DOCK10: variants seen among roughly 807,000 people sequenced by gnomAD.
The protein encoded by DOCK10 is dedicator of cytokinesis protein 10.
DOCK10 carries 145 observed loss-of-function variants against 280.1 expected under a neutral mutation model. The ratio of observed to expected loss-of-function variants is 0.52; its 90% CI spans 0.45 to 0.59. The LOEUF (loss-of-function observed/expected upper bound fraction) is 0.59, where lower values mean the gene tolerates loss of function less well. Among genes scored for constraint, DOCK10 ranks in the 20% least tolerant of loss-of-function variants. DOCK10 has a pLI of 0.00. For synonymous variants in DOCK10, 915 were observed against 942.2 expected, an observed-to-expected ratio of 0.97 and a Z score of 0.53; for missense variants, 2,368 against 2,651.7, an observed-to-expected ratio of 0.89 and a Z score of 2.35.
At chr2:224,916,634 T>G in intron 3 of DOCK10, 61 bp downstream of exon 3, 1 of 1,185,708 alleles carries the variant, frequency 8.4e-7, no homozygotes, top group Non-Finnish European at 1.2e-6. Flanking sequence ...TAAATTGCAT[T>G]GAGAATCCCC....
chr2:224,824,720 C>T (rs1463345061), intron 27 of DOCK10, among the ~76,000 whole-genome samples: 2 of 151,824 alleles, frequency 1.3e-5, no homozygotes, highest in Non-Finnish European at 2.9e-5. Flanking sequence ...AAGTGTGAGC[C>T]CCCGTGCCCA....
Position 224,805,350 on chromosome 2 carries a change from GT to G in DOCK10, c.3937-31del. The G allele has an allele frequency of 6.2e-7, 1 of 1,612,732 alleles. No individual in the cohort carries two copies. The highest frequency in any genetic ancestry group is 1.3e-5 in the African/African-American group (1 of 74,954). Reference sequence around the variant, plus strand: ...GAATTCAAGAACCAATCAGGATTGAGTGAGAGTGAGTGACCTCTGCCTTGTA... The same window carrying G: ...GAATTCAAGAACCAATCAGGATTGAGGAGAGTGAGTGACCTCTGCCTTGTA... On this transcript the variant is annotated intron_variant, in intron 35 of 55. Coordinates refer to ENST00000258390, the MANE Select transcript of DOCK10 (RefSeq NM_014689.3). This position sits in a 1 kb window ranked among gnomAD's most constrained non-coding sequence, Gnocchi z 4.3.
chr2:224,941,639 T>C (rs570091939), intron 1 of DOCK10, among the ~76,000 whole-genome samples: 246 of 151,754 alleles, frequency 1.6e-3, no homozygotes, highest in African/African-American at 5.6e-3. Context: ...AGGTCAGGAG[T>C]GCGAGACCAG....
At chr2:224,873,628 G>T (rs1462889575) in intron 11 of DOCK10, among the ~76,000 whole-genome samples, 3 of 138,200 alleles carry the variant, frequency 2.2e-5, no homozygotes, top group African/African-American at 8.0e-5. Context: ...AAGCCATCTT[G>T]AGTACTACTA....
At chr2:224,781,472 G>A (rs1691331587) in intron 50 of DOCK10, among the ~76,000 whole-genome samples, 1 of 152,178 alleles carries the variant, frequency 6.6e-6, no homozygotes, top group Admixed American at 6.5e-5. Context: ...TATACCCAGG[G>A]AAACTATCAA....
intron 14 of DOCK10, among the ~76,000 whole-genome samples, chr2:224,858,328 G>T (rs1033717115): frequency 6.6e-6 from 1 of 152,112 alleles, no homozygotes; most frequent in Admixed American, 6.5e-5. Context: ...GAGAAGTTTT[G>T]CTCACAGTGC....
At chr2:224,883,632 G>T (rs1699101436) in intron 7 of DOCK10, among the ~76,000 whole-genome samples, 1 of 152,208 alleles carries the variant, frequency 6.6e-6, no homozygotes, top group Non-Finnish European at 1.5e-5. Flanking sequence ...TCTTTGGGTA[G>T]TAAATGGTAA....
rs181363845 is a variant in DOCK10 at position 224,853,090 on chromosome 2, G to A, written c.1921C>T (p.Pro641Ser). The change falls in exon 17 of 56, where the codon CCT (proline) becomes TCT (serine). Residue 641 changes from proline to serine, a missense_variant. Transcript: ENST00000258390. ...TCTGTTTGAGCCATCATGTTGAAAG[G>A]CTTGACAGGGATAAAGGACGATGTT... ...CVTSSFIPVK[P>S]FNMMAQTEPT... 2.5e-6 allele frequency: 4 copies of A among 1,606,444 alleles called. No individual in the cohort carries two copies. The highest frequency in any genetic ancestry group is 1.1e-5 in the South Asian group (1 of 89,884).
rs751226569 is a variant in DOCK10 at position 224,770,235 on chromosome 2, T to G, written c.6420A>C (p.Glu2140Asp). The change falls in exon 55 of 56, where the codon GAA becomes GAC. Residue 2140 changes from glutamate (E) to aspartate (D), a missense_variant. Glu to Asp is a conservative substitution (Grantham distance 45). This residue lies in a region of DOCK10 where 1,159 missense variants were observed against 1,400.8 expected (regional missense o/e 0.83). Transcript: ENST00000258390. The surrounding 1 kb of genome is among the most constrained non-coding windows in gnomAD (Gnocchi z 4.5). ...CCTGCTCATTCATGACTGTGGAGAG[T>G]TCGCTGAGCATGTCCTTGTAGTGGG... ...LRSHYKDMLS[E>D]LSTVMNEQIT... The G allele has an allele frequency of 2.5e-6, 4 of 1,597,314 alleles. No homozygotes were observed. The South Asian group carries it at 4.6e-5, about 18-fold the overall frequency.
At chr2:224,893,658 A>T in intron 4 of DOCK10, 1 of 455,448 alleles carries the variant, frequency 2.2e-6, no homozygotes. Flanking sequence ...CCTCGCTTAA[A>T]AATAAAAAAA....
chr2:224,801,333 T>C (rs923020479), intron 40 of DOCK10, among the ~76,000 whole-genome samples: 2 of 151,918 alleles, frequency 1.3e-5, no homozygotes, highest in Admixed American at 1.3e-4. Context: ...TTTTGATTTC[T>C]TTCCTTATCT....
In DOCK10 at chr2:224,926,411, T is replaced by A. The variant is rs184933031; in HGVS notation, c.243+5138A>T. 9.2e-5 allele frequency among the ~76,000 whole-genome samples: 14 copies of A among 152,262 alleles called. No homozygotes were observed. In the East Asian group the frequency reaches 1.5e-3, roughly 17 times the overall value. On this transcript the variant is annotated intron_variant, in intron 2 of 55. Coordinates refer to ENST00000258390, the MANE Select transcript of DOCK10 (RefSeq NM_014689.3). ...GAGTAAGTGAAGAAGTACACTAAAG[T>A]GTTAGAGGGCTGGGTGCAGTGGCTC...
chr2:224,853,211 A>G, intron 16 of DOCK10, 89 bp from the exon 17 acceptor site: 1 of 1,189,098 alleles, frequency 8.4e-7, no homozygotes, highest in African/African-American at 1.5e-5. Context: ...GAACCCACTC[A>G]AGATAGAAAC....
chr2:224,912,568 G>A (rs765971658), intron 3 of DOCK10, among the ~76,000 whole-genome samples: 10 of 152,124 alleles, frequency 6.6e-5, no homozygotes, highest in African/African-American at 1.2e-4. Flanking sequence ...TCCCACTAGA[G>A]TCCCAAACTT....
rs1190492957 is a variant in DOCK10 at position 224,873,976 on chromosome 2, G to A, written c.1257+20C>T. On this transcript the variant is annotated intron_variant, in intron 11 of 55. Transcript: ENST00000258390. ...TAATGTTGGCTTAATGGTATAGGAT[G>A]TAACAGAGGAGAAACTTACATTCGT... The A allele has an allele frequency of 1.2e-6, 2 of 1,606,910 alleles. No homozygotes were observed. Among genetic ancestry groups the A allele is most frequent in the African/African-American group, 2.7e-5 (2 of 74,502 alleles).
chr2:225,009,693 T>C (rs1331762658), intron 1 of DOCK10, among the ~76,000 whole-genome samples: 2 of 151,096 alleles, frequency 1.3e-5, no homozygotes, highest in African/African-American at 4.9e-5. Flanking sequence ...GAAAACTGTA[T>C]TCAGAGTTTG....
chr2:224,950,011 T>C (rs1373011000), intron 1 of DOCK10, among the ~76,000 whole-genome samples: 1 of 152,182 alleles, frequency 6.6e-6, no homozygotes, highest in East Asian at 1.9e-4. Context: ...CAGGAGCTAG[T>C]TCATGGAAGG....
chr2:224,804,948 T>C (rs1183087922), intron 37 of DOCK10, 107 bp from the exon 38 acceptor site: 2 of 1,229,570 alleles, frequency 1.6e-6, no homozygotes, highest in Non-Finnish European at 2.2e-6. Flanking sequence ...TTTAAATAGT[T>C]CATATATTAT....
At chr2:224,966,846 G>A (rs1704775112) in intron 1 of DOCK10, among the ~76,000 whole-genome samples, 1 of 151,668 alleles carries the variant, frequency 6.6e-6, no homozygotes, top group Non-Finnish European at 1.5e-5. Flanking sequence ...ATACCAGCGA[G>A]CTCATGGTAA....
Sources: gnomAD v4.1 joint callset for allele counts (sites outside exome capture counted in the v4.1 genomes callset) on GRCh38, gnomAD v4.1.1 for gene constraint, gnomAD v4.1.1 regional missense constraint, Gnocchi (gnomAD v3.1) non-coding constraint, MANE v1.5 for transcripts, NCBI Gene and HGNC (gene_info 2026-07-23, HGNC 2026-07-21) for gene names.